The following FGFR3 variants were observed in gnomAD, a reference collection of about 807,000 sequenced individuals.
The protein encoded by FGFR3 is fibroblast growth factor receptor 3, also known as FGFR-3.
Under a neutral mutation model 82.9 loss-of-function variants are expected in FGFR3, and 25 were observed. The observed-to-expected ratio is 0.30, with a 90% confidence interval of 0.22 to 0.42. FGFR3 has a LOEUF of 0.42. Among genes scored for constraint, FGFR3 ranks in the 10% least tolerant of loss-of-function variants. The probability of loss-of-function intolerance (pLI) is 1.00; values close to 1 mark genes in which losing one functional copy is unlikely to be tolerated. For missense variants in FGFR3, 1,026 were observed against 1,161.0 expected (o/e 0.88, Z 1.69); for synonymous variants, 620 against 516.0 (o/e 1.20, Z -2.73).
intron 17 of FGFR3, 69 bp downstream of exon 17, chr4:1,807,003 C>A (rs544022826): frequency 1.3e-6 from 2 of 1,554,132 alleles, no homozygotes; most frequent in Admixed American, 1.9e-5. Context: ...GCCATCCTGC[C>A]CCCCAGAGTG....
rs1031160906 is a variant in FGFR3 at position 1,801,438 on chromosome 4, C to T, written c.517C>T (p.Arg173Cys). 5.2e-6 allele frequency: 8 copies of T among 1,552,804 alleles called. No homozygotes were observed. The highest frequency in any genetic ancestry group is 1.9e-5 in the Admixed American group (1 of 51,432). Residue 173 changes from arginine to cysteine, a missense_variant, in exon 5 of 18, where the codon CGC becomes TGC. By Grantham distance (180) the Arg-to-Cys change is radical (BLOSUM62 -3). Transcript: ENST00000440486. ...GGCCGTGCCGGCCGCCAACACCGTCCGCTTCCGCTGCCCAGCCGCTGGCAA... is the reference window on the plus strand; with the variant it reads ...GGCCGTGCCGGCCGCCAACACCGTCTGCTTCCGCTGCCCAGCCGCTGGCAA... Reference protein sequence around the residue: ...LLAVPAANTVRFRCPAAGNPT... With the variant: ...LLAVPAANTVCFRCPAAGNPT...
intron 2 of FGFR3, among the ~76,000 whole-genome samples, chr4:1,798,955 C>T (rs977089834): frequency 6.6e-6 from 1 of 152,226 alleles, no homozygotes; most frequent in South Asian, 2.1e-4. Context: ...GATTTGAATT[C>T]TCCGTGTCCA....
chr4:1,805,229 G>T, intron 10 of FGFR3, 126 bp from the exon 11 acceptor site: 1 of 1,526,776 alleles, frequency 6.5e-7, no homozygotes, highest in Non-Finnish European at 8.9e-7. Context: ...TGTAGGGGGA[G>T]CATGGAGGGC....
At chr4:1,799,838 C>T (rs1181901109) in intron 4 of FGFR3, 26 bp downstream of exon 4, 1 of 1,610,954 alleles carries the variant, frequency 6.2e-7, no homozygotes, top group African/African-American at 1.3e-5. Context: ...AGGGTTCAGG[C>T]CAGCCGGGGT....
At chr4:1,801,151 TGGAGG>T (rs892354771) in intron 4 of FGFR3, among the ~76,000 whole-genome samples, 2 of 152,074 alleles carry the variant, frequency 1.3e-5, no homozygotes, top group Admixed American at 6.5e-5. Context: ...CAGAGCACCC[TGGAGG>T]GGAGGGGAGG....
Position 1,807,102 on chromosome 4 carries a change from C to T in FGFR3, c.2275-14C>T, listed in dbSNP as rs1389221378. ...GCTCGGTGGCACAGCGCTCACCCCG[C>T]CTCCCGCCAGCAGGAGTACCTGGAC... On this transcript the variant is annotated splice_polypyrimidine_tract_variant and intron_variant, in intron 17 of 17. Transcript: ENST00000440486. 5.7e-6 allele frequency: 9 copies of T among 1,568,862 alleles called. No homozygotes were observed. The highest frequency in any genetic ancestry group is 1.4e-5 in the African/African-American group (1 of 73,848).
At chr4:1,803,977 C>A in intron 8 of FGFR3, 141 bp downstream of exon 8, 1 of 1,061,628 alleles carries the variant, frequency 9.4e-7, no homozygotes, top group Non-Finnish European at 1.4e-6. Context: ...GCCCTGTGCC[C>A]AGTGTGGGGA....
chr4:1,806,798 C>T (rs1408456699), intron 16 of FGFR3, 31 bp from the exon 17 acceptor site: 98 of 1,585,400 alleles, frequency 6.2e-5, no homozygotes, highest in Non-Finnish European at 7.9e-5. Context: ...CGGGAAGCGG[C>T]GGGGCTCACT....
chr4:1,804,443 CGCCTGCGCAGCCCCCCCAAGAAAG>C lies in FGFR3; in HGVS notation c.1195_1218del (p.Arg399_Leu406del). Reference sequence around the variant, plus strand: ...GGTGGTGGCGGCTGTGACGCTCTGCCGCCTGCGCAGCCCCCCCAAGAAAGGCCTGGGCTCCCCCACCGTGCACAA... The same window carrying C: ...GGTGGTGGCGGCTGTGACGCTCTGCCGCCTGGGCTCCCCCACCGTGCACAA... On this transcript the variant is annotated inframe_deletion, in exon 9 of 18. Transcript: ENST00000440486. 6.2e-7 allele frequency: 1 copy of C among 1,612,668 alleles called. No individual in the cohort carries two copies. Among genetic ancestry groups the C allele is most frequent in the Middle Eastern group, 1.7e-4 (1 of 6,052 alleles).
At chr4:1,806,454 G>A (rs1011447610) in intron 15 of FGFR3, 92 bp from the exon 16 acceptor site, 16 of 1,607,402 alleles carry the variant, frequency 1.0e-5, no homozygotes, top group African/African-American at 1.3e-5. Context: ...CTCCCTGGGG[G>A]CAGCAGCGCA....
At chr4:1,806,971 G>A in intron 17 of FGFR3, 37 bp downstream of exon 17, 1 of 1,576,580 alleles carries the variant, frequency 6.3e-7, no homozygotes, top group Non-Finnish European at 8.6e-7. Flanking sequence ...ACCCGCCTAT[G>A]CCCCTCCCCC....
At chr4:1,795,873 T>A (rs1362204627) in intron 2 of FGFR3, among the ~76,000 whole-genome samples, 2 of 152,168 alleles carry the variant, frequency 1.3e-5, no homozygotes, top group Non-Finnish European at 2.9e-5. Flanking sequence ...GGCTGGACTT[T>A]GAGCCGCGTG....
chr4:1,795,752 AG>A (rs1448166859), intron 2 of FGFR3, among the ~76,000 whole-genome samples: 1 of 152,074 alleles, frequency 6.6e-6, no homozygotes, highest in East Asian at 1.9e-4. Context: ...GGGTGCAGGG[AG>A]GTACACAAGG....
chr4:1,802,803 G>T, intron 7 of FGFR3: 3 of 1,373,342 alleles, frequency 2.2e-6, no homozygotes, highest in Non-Finnish European at 2.9e-6. Flanking sequence ...CAGCCTTTGG[G>T]GCTGACGCAG....
At position 1,801,688 on chromosome 4, in the gene FGFR3, C is replaced by G; in HGVS notation, c.684C>G (p.Cys228Trp). The G allele has an allele frequency of 6.2e-7, 1 of 1,610,952 alleles. No homozygotes were observed. The highest frequency in any genetic ancestry group is 1.1e-5 in the South Asian group (1 of 90,798). ...VVPSDRGNYT[C>W]VVENKFGSIR... Reference sequence around the variant, plus strand: ...CCTCGGACCGCGGCAACTACACCTGCGTCGTGGAGAACAAGTTTGGCAGCA... The same window carrying G: ...CCTCGGACCGCGGCAACTACACCTGGGTCGTGGAGAACAAGTTTGGCAGCA... Residue 228 changes from cysteine to tryptophan, a missense_variant, in exon 6 of 18, where the codon TGC becomes TGG. By Grantham distance (215) the Cys-to-Trp change is radical. This residue lies in a region of FGFR3 where 147 missense variants were observed against 228.1 expected (regional missense o/e 0.64). Transcript: ENST00000440486.
chr4:1,801,356 T>G lies in FGFR3; in HGVS notation c.446-11T>G. 6.5e-7 allele frequency: 1 copy of G among 1,550,054 alleles called. No individual in the cohort carries two copies. Among genetic ancestry groups the G allele is most frequent in the Non-Finnish European group, 8.7e-7 (1 of 1,149,546 alleles). ...TCGGGTCATGGCCTTCACACGCACCTCGGCCCGCAGGGGCCCCTTACTGGA... is the reference window on the plus strand; with the variant it reads ...TCGGGTCATGGCCTTCACACGCACCGCGGCCCGCAGGGGCCCCTTACTGGA... On this transcript the variant is annotated splice_polypyrimidine_tract_variant and intron_variant, in intron 4 of 17. Transcript: ENST00000440486.
At position 1,799,786 on chromosome 4, in the gene FGFR3, A is replaced by G; in HGVS notation, c.419A>G (p.Glu140Gly). Reference protein sequence around the residue: ...SSGDDEDGEDEAEDTGVDTGA... With the variant: ...SSGDDEDGEDGAEDTGVDTGA... ...GGAGATGACGAAGACGGGGAGGACG[A>G]GGCTGAGGACACAGGTGTGGACACA... The change falls in exon 4 of 18, where the codon GAG (glutamate) becomes GGG (glycine). Residue 140 changes from glutamate (E) to glycine (G), a missense_variant. By Grantham distance (98) the Glu-to-Gly change is moderately conservative. This residue lies in a region of FGFR3 where 226 missense variants were observed against 222.0 expected (regional missense o/e 1.02). Transcript: ENST00000440486. 1 of 1,612,958 alleles carries G rather than the reference A, an allele frequency of 6.2e-7. No individual in the cohort carries two copies. The highest frequency in any genetic ancestry group is 8.5e-7 in the Non-Finnish European group (1 of 1,179,934).
In FGFR3 at chr4:1,807,549, C is replaced by T. The variant is rs17882030; in HGVS notation, c.*287C>T. ...CCGAGGGGCCTTTGTTCTGGGGGGA[C>T]CCAGTGCAGAATGTAAGTGGGCCCA... On this transcript the variant is annotated 3_prime_UTR_variant, in exon 18 of 18. Transcript: ENST00000440486. 1,522 of 712,504 alleles carry T rather than the reference C, an allele frequency of 2.1e-3. 36 individuals are homozygous for T. The highest frequency in any genetic ancestry group is 0.021 in the South Asian group (1,468 of 71,026). The allele number at this position is 712,504 out of a possible 1,614,324, so 44.1% of individuals were successfully genotyped here.
At chr4:1,806,734 C>G (rs1225425403) in intron 16 of FGFR3, 51 bp downstream of exon 16, 1 of 1,605,520 alleles carries the variant, frequency 6.2e-7, no homozygotes, top group Non-Finnish European at 8.5e-7. Flanking sequence ...GGGGGTCCCT[C>G]CGGGGCTGGG....
Sources: allele counts gnomAD v4.1 joint callset (sites outside exome capture counted in the v4.1 genomes callset), GRCh38; gene constraint gnomAD v4.1.1; regional missense constraint gnomAD v4.1.1; transcripts MANE v1.5; gene names NCBI Gene and HGNC (gene_info 2026-07-23, HGNC 2026-07-21).